The following ZNF782 variants were observed in gnomAD, a reference collection of about 807,000 sequenced individuals.
The protein encoded by ZNF782 is zinc finger protein 782.
In ZNF782, 12 loss-of-function variants were observed where a neutral mutation model predicts 13.0. That is an observed-to-expected ratio of 0.92 (90% CI 0.59 to 1.50). ZNF782 has a LOEUF of 1.50. ZNF782 is among the 40% of genes most tolerant of loss of function. ZNF782 has a pLI of 0.00. For synonymous variants in ZNF782, 284 were observed against 283.0 expected (o/e 1.00, Z -0.04); for missense variants, 770 against 822.9 (o/e 0.94, Z 0.79).
chr9:96,845,466 C>T (rs1474296192), intron 3 of ZNF782, among the ~76,000 whole-genome samples: 2 of 152,150 alleles, frequency 1.3e-5, no homozygotes. Flanking sequence ...ACCATGTTGG[C>T]CAGGATGGTC....
chr9:96,819,297 A>G lies in ZNF782; in HGVS notation c.726T>C (p.Ser242=). 6.2e-7 allele frequency: 1 copy of G among 1,612,774 alleles called. No individual in the cohort carries two copies. Among genetic ancestry groups the G allele is most frequent in the South Asian group, 1.1e-5 (1 of 90,588 alleles). The change falls in exon 6 of 6, where the codon TCT becomes TCC. Residue 242 remains serine, a synonymous_variant. Coordinates refer to ENST00000481138, the MANE Select transcript of ZNF782 (RefSeq NM_001001662.3). ...TSNSTHPKGK[S]YNFNKFGENK... ...TTTCCCCAAATTTATTGAAATTGTA[A>G]GATTTTCCTTTTGGGTGGGTACTGT...
At chr9:96,926,767 CG>C in the ZNF782 span, among the ~76,000 whole-genome samples, 464 of 152,310 alleles carry the variant, frequency 3.0e-3, 7 homozygotes, top group Non-Finnish European at 6.5e-4. Flanking sequence ...TGGCCTGTTA[CG>C]TTTTCTGCAA....
At chr9:96,886,349 A>T in the ZNF782 span, among the ~76,000 whole-genome samples, 1 of 152,208 alleles carries the variant, frequency 6.6e-6, no homozygotes, top group African/African-American at 2.4e-5. Flanking sequence ...AATAAGGGCA[A>T]ATATGACAGA....
upstream of ZNF782, among the ~76,000 whole-genome samples, chr9:96,877,886 TTC>T (rs1373192626): frequency 4.6e-5 from 7 of 152,230 alleles, no homozygotes; most frequent in Non-Finnish European, 1.0e-4. Context: ...AATACCCTGC[TTC>T]TGTTTTATTA....
the ZNF782 span, chr9:96,933,526 A>C: frequency 1.3e-5 from 2 of 151,220 alleles, no homozygotes; most frequent in East Asian, 3.9e-4. Context: ...GCCCGCCACC[A>C]TGCCCGGCTA....
the ZNF782 span, among the ~76,000 whole-genome samples, chr9:96,909,882 C>T: frequency 6.6e-6 from 1 of 151,480 alleles, no homozygotes; most frequent in African/African-American, 2.4e-5. Flanking sequence ...GAAAACAGTG[C>T]TAATGATTTT....
rs1028342976 is a variant in ZNF782 at position 96,816,723 on chromosome 9, CTT to C, written c.*1198_*1199del. The C allele has an allele frequency of 4.6e-5, 7 of 151,958 alleles. No individual in the cohort carries two copies. The allele number at this position is 151,958 out of a possible 1,614,324, so 9.4% of individuals were successfully genotyped here. A position where few individuals can be genotyped will look rare whatever the true frequency, so the allele number is the denominator to read the frequency against. On this transcript the variant is annotated 3_prime_UTR_variant, in exon 6 of 6. Transcript: ENST00000481138. ...CTAAATTATCATATATTTAATGAGA[CTT>C]TGGGTGTGTATGTGTGAGTGTGTGT...
intron 3 of ZNF782, chr9:96,860,100 T>A (rs1447087165): frequency 6.6e-6 from 1 of 152,230 alleles, no homozygotes; most frequent in Non-Finnish European, 1.5e-5. Flanking sequence ...AGCTCAGCGA[T>A]GGTAGAACAG....
chr9:96,852,972 G>T lies in ZNF782; in HGVS notation c.-164C>A, dbSNP rs967068869. 1 of 152,608 alleles carries T rather than the reference G, an allele frequency of 6.6e-6. No homozygotes were observed. The highest frequency in any genetic ancestry group is 1.5e-5 in the Non-Finnish European group (1 of 68,042). The allele number at this position is 152,608 out of a possible 1,614,324, so 9.5% of individuals were successfully genotyped here. ...AAAGCTTTCAAAAGAATCAGAAGTA[G>T]ATAGCCACGGAAAACCCTTCATGTA... On this transcript the variant is annotated 5_prime_UTR_variant, in exon 2 of 6. Transcript: ENST00000481138.
At chr9:96,880,080 T>C (rs777108834), upstream of ZNF782, among the ~76,000 whole-genome samples, 5 of 152,132 alleles carry the variant, frequency 3.3e-5, no homozygotes, top group South Asian at 2.1e-4. Flanking sequence ...TTTATTTCAG[T>C]TTCCAATTGT....
the ZNF782 span, chr9:96,891,675 C>T: frequency 6.6e-6 from 1 of 151,764 alleles, no homozygotes; most frequent in Admixed American, 6.6e-5. Context: ...TTCTCTGCCT[C>T]AGCCTCCCGA....
chr9:96,835,210 T>G (rs944048317), intron 4 of ZNF782, among the ~76,000 whole-genome samples: 3 of 152,196 alleles, frequency 2.0e-5, no homozygotes, highest in African/African-American at 7.2e-5. Flanking sequence ...AGAAGTGGCA[T>G]GGTTACTTTT....
intron 4 of ZNF782, among the ~76,000 whole-genome samples, chr9:96,843,742 C>G (rs1053599226): frequency 6.6e-6 from 1 of 152,066 alleles, no homozygotes; most frequent in African/African-American, 2.4e-5. Flanking sequence ...AGTGAGGACA[C>G]AATTTTTGCT....
chr9:96,844,838 AG>A, intron 4 of ZNF782, 51 bp downstream of exon 4: 1 of 1,613,064 alleles, frequency 6.2e-7, no homozygotes, highest in Non-Finnish European at 8.5e-7. Context: ...AGAGAAAGAG[AG>A]GAGAAACAGA....
chr9:96,899,486 T>C, the ZNF782 span, among the ~76,000 whole-genome samples: 112 of 152,370 alleles, frequency 7.4e-4, 1 homozygote, highest in Admixed American at 7.3e-3. Flanking sequence ...TCTTGGACCA[T>C]AGGTACTATA....
the ZNF782 span, among the ~76,000 whole-genome samples, chr9:96,924,838 C>G: frequency 2.0e-5 from 3 of 152,344 alleles, no homozygotes; most frequent in East Asian, 5.8e-4. Context: ...TAAACCTCCC[C>G]CTTCACTTCA....
the ZNF782 span, among the ~76,000 whole-genome samples, chr9:96,900,176 G>C: frequency 2.0e-5 from 3 of 150,906 alleles, no homozygotes; most frequent in African/African-American, 4.9e-5. Context: ...CACAGAGCTG[G>C]GTCCCAGGCA....
the ZNF782 span, chr9:96,892,082 T>G: frequency 6.6e-6 from 1 of 152,240 alleles, no homozygotes; most frequent in African/African-American, 2.4e-5. Context: ...TCAGGGGGGC[T>G]ATAGGGAACA....
At position 96,853,813 on chromosome 9, in the gene ZNF782, C is replaced by T. The variant is rs544056458; in HGVS notation, c.-262+275G>A. On this transcript the variant is annotated intron_variant, in intron 1 of 5. Coordinates refer to ENST00000481138, the MANE Select transcript of ZNF782 (RefSeq NM_001001662.3). Reference sequence around the variant, plus strand: ...CAGCTCCCTCACTGCTAGCTTGTGACCTGAGCCTCAGTTATATTTAATGCA... The same window carrying T: ...CAGCTCCCTCACTGCTAGCTTGTGATCTGAGCCTCAGTTATATTTAATGCA... 3.9e-5 allele frequency among the ~76,000 whole-genome samples: 6 copies of T among 152,302 alleles called. No homozygotes were observed. The East Asian group carries it at 5.8e-4, about 15-fold the overall frequency.
Sources: gnomAD v4.1 joint callset for allele counts (sites outside exome capture counted in the v4.1 genomes callset) on GRCh38, gnomAD v4.1.1 for gene constraint, MANE v1.5 for transcripts, NCBI Gene and HGNC (gene_info 2026-07-23, HGNC 2026-07-21) for gene names.